The following MGAM2 variants were observed in gnomAD, a reference collection of about 807,000 sequenced individuals.
The protein encoded by MGAM2 is probable maltase-glucoamylase 2.
Under a neutral mutation model 96.1 loss-of-function variants are expected in MGAM2, and 98 were observed. That is an observed-to-expected ratio of 1.02 (90% CI 0.87 to 1.21). The LOEUF is 1.21. MGAM2 is among the 50% of genes most tolerant of loss of function. The probability of loss-of-function intolerance (pLI) is 0.00; values close to 1 mark genes in which losing one functional copy is unlikely to be tolerated. For missense variants in MGAM2, 2,055 were observed against 1,182.4 expected, an observed-to-expected ratio of 1.74 and a Z score of -10.82; for synonymous variants, 749 against 414.8, an observed-to-expected ratio of 1.81 and a Z score of -9.79.
At chr7:142,149,237 A>AAAT (rs1795483095) in intron 15 of MGAM2, among the ~76,000 whole-genome samples, 1 of 151,528 alleles carries the variant, frequency 6.6e-6, no homozygotes, top group East Asian at 2.0e-4. Context: ...CTCAAAAAAA[A>AAAT]AATAAAAAAA....
intron 12 of MGAM2, 58 bp from the exon 13 acceptor site, chr7:142,143,711 G>T: frequency 2.0e-6 from 1 of 490,466 alleles, no homozygotes; most frequent in South Asian, 3.9e-5. Flanking sequence ...AATCACTGTC[G>T]GTCAAAATGA....
chr7:142,160,553 G>T (rs1795857207), intron 21 of MGAM2, among the ~76,000 whole-genome samples: 1 of 151,836 alleles, frequency 6.6e-6, no homozygotes, highest in South Asian at 2.1e-4. Context: ...TTGTCCTTAG[G>T]TATATTCCCT....
At chr7:142,195,341 T>C (rs1296211447) in intron 37 of MGAM2, among the ~76,000 whole-genome samples, 4 of 133,334 alleles carry the variant, frequency 3.0e-5, no homozygotes, top group Non-Finnish European at 6.6e-5. Context: ...GCCTCCTTTT[T>C]ACTCTTTTTT....
At chr7:142,119,102 T>A (rs1485635452) in intron 2 of MGAM2, among the ~76,000 whole-genome samples, 1 of 152,174 alleles carries the variant, frequency 6.6e-6, no homozygotes, top group African/African-American at 2.4e-5. Flanking sequence ...AGATGATGTA[T>A]CCGATGTTAG....
intron 1 of MGAM2, among the ~76,000 whole-genome samples, chr7:142,112,934 G>A (rs1347733953): frequency 2.6e-5 from 4 of 152,086 alleles, no homozygotes; most frequent in South Asian, 2.1e-4. Flanking sequence ...CCCAAACCTC[G>A]TGTCTCCAAG....
chr7:142,157,114 C>CA (rs1302188216), intron 17 of MGAM2, among the ~76,000 whole-genome samples: 1 of 151,632 alleles, frequency 6.6e-6, no homozygotes, highest in Non-Finnish European at 1.5e-5. Context: ...TAAAACTGGA[C>CA]AAAAAATGTT....
intron 5 of MGAM2, 58 bp downstream of exon 5, chr7:142,131,685 G>A: frequency 1.5e-6 from 1 of 688,984 alleles, no homozygotes; most frequent in Non-Finnish European, 2.7e-6. Flanking sequence ...GCTCACATTG[G>A]GCTTGAAGTG....
In MGAM2 at chr7:142,221,758, T is replaced by C. The variant is rs1349077246; in HGVS notation, c.7247T>C (p.Met2416Thr). Residue 2416 changes from methionine (M) to threonine (T), a missense_variant, in exon 48 of 48, where the codon ATG (methionine) becomes ACG (threonine). Transcript: ENST00000477922. Reference sequence around the variant, plus strand: ...ACAAATCTTTCTAATCTAGGCACCATGGATATTACTGATGCAGATAACTCC... The same window carrying C: ...ACAAATCTTTCTAATCTAGGCACCACGGATATTACTGATGCAGATAACTCC... ...APTNLSNLGT[M>T]DITDADNSSS... 1 of 406,340 alleles carries C rather than the reference T, an allele frequency of 2.5e-6. No individual in the cohort carries two copies. 25.2% of individuals were successfully genotyped at this position (406,340 alleles called of 1,614,324 possible).
At position 142,201,082 on chromosome 7, in the gene MGAM2, C is replaced by CT. The variant is rs1314170979; in HGVS notation, c.5137+1130dup. 1.0e-3 allele frequency among the ~76,000 whole-genome samples: 112 copies of CT among 108,522 alleles called. 3 individuals are homozygous for CT. The South Asian group carries it at 0.012, about 11-fold the overall frequency. 71.2% of individuals were successfully genotyped at this position (108,522 alleles called of 152,430 possible). A position where few individuals can be genotyped will look rare whatever the true frequency, so the allele number is the denominator to read the frequency against. ...ATAACATCCTTTTTCTTTTTTTTTT[C>CT]TTTTTTTTTTTTTTTTGAGTCTCAC... On this transcript the variant is annotated intron_variant, in intron 45 of 47. Transcript: ENST00000477922.
chr7:142,211,384 C>A (rs1274054721), intron 46 of MGAM2, among the ~76,000 whole-genome samples: 2 of 152,144 alleles, frequency 1.3e-5, no homozygotes, highest in Non-Finnish European at 2.9e-5. Flanking sequence ...TGGGTAATAA[C>A]AAGCTCCTCC....
intron 3 of MGAM2, among the ~76,000 whole-genome samples, chr7:142,128,918 G>A (rs1430410611): frequency 1.2e-5 from 1 of 81,746 alleles, no homozygotes; most frequent in Admixed American, 1.1e-4. Context: ...GAGGGCCACT[G>A]TCCTCCAGCC....
chr7:142,118,487 C>T (rs951873293), intron 2 of MGAM2, among the ~76,000 whole-genome samples: 6 of 152,142 alleles, frequency 3.9e-5, no homozygotes, highest in East Asian at 1.9e-4. Flanking sequence ...CTAATACCCA[C>T]GGTAACTGTT....
At chr7:142,121,699 C>G (rs143683815) in intron 3 of MGAM2, among the ~76,000 whole-genome samples, 1 of 150,196 alleles carries the variant, frequency 6.7e-6, no homozygotes, top group African/African-American at 2.4e-5. Flanking sequence ...TATGTTTACA[C>G]AGTATATTTA....
chr7:142,184,232 C>T (rs559383632), intron 33 of MGAM2, among the ~76,000 whole-genome samples: 2 of 152,154 alleles, frequency 1.3e-5, no homozygotes, highest in South Asian at 4.2e-4. Flanking sequence ...CTCGGCCTCC[C>T]AAAGCGCTGG....
rs180693106 is a variant in MGAM2 at position 142,171,338 on chromosome 7, G to A, written c.3249G>A (p.Pro1083=). Residue 1083 remains proline (P), a synonymous_variant, in exon 28 of 48, where the codon CCG becomes CCA. Transcript: ENST00000477922. ...TTCTCTCCATTTCTACGCGTCTGCC[G>A]TCCCAGTACATCTATGGCTTTGGGG... ...DMFLSISTRL[P]SQYIYGFGET... is the part of the protein sequence containing the mutation. 4.7e-5 allele frequency: 33 copies of A among 702,790 alleles called. No homozygotes were observed. Among genetic ancestry groups the A allele is most frequent in the South Asian group, 3.3e-4 (22 of 67,586 alleles). 43.5% of individuals were successfully genotyped at this position (702,790 alleles called of 1,614,324 possible). A position where few individuals can be genotyped will look rare whatever the true frequency, so the allele number is the denominator to read the frequency against.
intron 31 of MGAM2, among the ~76,000 whole-genome samples, chr7:142,173,681 G>C (rs917277841): frequency 4.6e-5 from 7 of 151,918 alleles, no homozygotes; most frequent in Non-Finnish European, 8.8e-5. Context: ...GCAATGCAGG[G>C]GACTATCCCT....
At chr7:142,150,397 C>A (rs1346980159) in intron 15 of MGAM2, among the ~76,000 whole-genome samples, 1 of 152,258 alleles carries the variant, frequency 6.6e-6, no homozygotes, top group Admixed American at 6.5e-5. Flanking sequence ...ATTTCTGTAA[C>A]CACCTCCATT....
rs369242310 is a variant in MGAM2 at position 142,124,013 on chromosome 7, C to T, written c.186+3632C>T. 1.0e-4 allele frequency among the ~76,000 whole-genome samples: 13 copies of T among 124,794 alleles called. No individual in the cohort carries two copies. The East Asian group carries it at 2.8e-3, about 26-fold the overall frequency. The allele number at this position is 124,794 out of a possible 152,430, so 81.9% of individuals were successfully genotyped here. ...TTTGAGACGGAGTCTTGCTCTGTCT[C>T]CCAGGCTGGAGCGCAGAGGCGCAAT... is the stretch of plus-strand genomic sequence containing the variant. On this transcript the variant is annotated intron_variant, in intron 3 of 47. Coordinates refer to ENST00000477922, the MANE Select transcript of MGAM2 (RefSeq NM_001293626.2).
At chr7:142,173,151 C>G (rs1400935586) in intron 30 of MGAM2, 78 bp from the exon 31 acceptor site, 1 of 684,398 alleles carries the variant, frequency 1.5e-6, no homozygotes, top group African/African-American at 1.8e-5. Context: ...CAGAAACACT[C>G]AAGTTGATTC....
Sources: gnomAD v4.1 joint callset for allele counts (sites outside exome capture counted in the v4.1 genomes callset) on GRCh38, gnomAD v4.1.1 for gene constraint, MANE v1.5 for transcripts, NCBI Gene and HGNC (gene_info 2026-07-23, HGNC 2026-07-21) for gene names.